Variants in MAPK4 observed in about 807,000 individuals in gnomAD.
The protein encoded by MAPK4 is mitogen-activated protein kinase 4.
Under a neutral mutation model 47.7 loss-of-function variants are expected in MAPK4, and 22 were observed. That is an observed-to-expected ratio of 0.46 (90% CI 0.33 to 0.66). MAPK4 has a LOEUF of 0.66. Among genes scored for constraint, MAPK4 ranks in the 30% least tolerant of loss-of-function variants. The pLI, the probability that MAPK4 is intolerant of heterozygous loss-of-function variation, is 0.02. For missense variants in MAPK4, 736 were observed against 831.7 expected (o/e 0.88, Z 1.42); for synonymous variants, 390 against 365.7 (o/e 1.07, Z -0.76).
In MAPK4 at chr18:50,704,393, C is replaced by T. The variant is rs1383511578; in HGVS notation, c.547-10686C>T. 195 of 395,388 alleles carry T rather than the reference C, an allele frequency of 4.9e-4. 1 individual carries two copies. Among genetic ancestry groups the T allele is most frequent in the African/African-American group, 3.7e-3 (181 of 48,622 alleles). The allele number at this position is 395,388 out of a possible 1,614,324, so 24.5% of individuals were successfully genotyped here. ...GCGTGGTGGTGCATGCCTGTAGTCC[C>T]AACTACTTGGGAGGCAGGAGGATCA... On this transcript the variant is annotated intron_variant, in intron 2 of 5. Coordinates refer to ENST00000400384, the MANE Select transcript of MAPK4 (RefSeq NM_002747.4).
chr18:50,638,459 C>G (rs1173932626), intron 1 of MAPK4, among the ~76,000 whole-genome samples: 1 of 152,194 alleles, frequency 6.6e-6, no homozygotes, highest in Non-Finnish European at 1.5e-5. Flanking sequence ...TTAATACAAA[C>G]AACAACAGGC....
intron 2 of MAPK4, among the ~76,000 whole-genome samples, chr18:50,674,269 G>T (rs536183720): frequency 6.6e-6 from 1 of 152,166 alleles, no homozygotes; most frequent in East Asian, 1.9e-4. Flanking sequence ...GGTTTATATC[G>T]AAGAAGGATA....
At chr18:50,595,671 TG>T (rs1367216213) in intron 1 of MAPK4, among the ~76,000 whole-genome samples, 1 of 152,190 alleles carries the variant, frequency 6.6e-6, no homozygotes, top group Non-Finnish European at 1.5e-5. Context: ...ACTTAAGATC[TG>T]GGAAAATTCT....
chr18:50,615,792 C>T (rs1380830426), intron 1 of MAPK4, among the ~76,000 whole-genome samples: 3 of 152,192 alleles, frequency 2.0e-5, no homozygotes, highest in Admixed American at 2.0e-4. Context: ...TTCAGAACAA[C>T]AGACAGATAG....
At chr18:50,624,922 T>G (rs1347594394) in intron 1 of MAPK4, among the ~76,000 whole-genome samples, 1 of 152,028 alleles carries the variant, frequency 6.6e-6, no homozygotes, top group Non-Finnish European at 1.5e-5. Context: ...GCAGCAAGCT[T>G]AAAGAGTGTT....
intron 1 of MAPK4, among the ~76,000 whole-genome samples, chr18:50,639,333 G>A (rs2042918394): frequency 6.6e-6 from 1 of 152,170 alleles, no homozygotes; most frequent in African/African-American, 2.4e-5. Context: ...TTTTCTCTAT[G>A]TAGTTTGCAT....
At chr18:50,689,636 C>T (rs975695702) in intron 2 of MAPK4, among the ~76,000 whole-genome samples, 15 of 151,386 alleles carry the variant, frequency 9.9e-5, no homozygotes, top group East Asian at 2.0e-4. Context: ...TGGTAGCTCA[C>T]GCCTGTAATC....
chr18:50,637,949 A>C (rs1210831830), intron 1 of MAPK4, among the ~76,000 whole-genome samples: 1 of 152,192 alleles, frequency 6.6e-6, no homozygotes, highest in African/African-American at 2.4e-5. Flanking sequence ...ATACAATCAC[A>C]TTCTGAGTTA....
intron 1 of MAPK4, among the ~76,000 whole-genome samples, chr18:50,645,149 C>G (rs1213091097): frequency 1.3e-5 from 2 of 152,140 alleles, no homozygotes; most frequent in East Asian, 3.9e-4. Flanking sequence ...GGCAAGGGAG[C>G]TTTCTGCTGA....
intron 1 of MAPK4, among the ~76,000 whole-genome samples, chr18:50,598,106 C>A (rs544418225): frequency 3.7e-4 from 56 of 152,346 alleles, no homozygotes; most frequent in Non-Finnish European, 5.9e-4. Flanking sequence ...CCAACCACTA[C>A]CACAACACCC....
At chr18:50,646,231 T>C (rs1381977539) in intron 1 of MAPK4, among the ~76,000 whole-genome samples, 1 of 152,218 alleles carries the variant, frequency 6.6e-6, no homozygotes, top group African/African-American at 2.4e-5. Flanking sequence ...TCACCTCCCC[T>C]TAGAGATTCC....
chr18:50,650,002 C>T (rs2043031558), intron 1 of MAPK4, among the ~76,000 whole-genome samples: 1 of 152,188 alleles, frequency 6.6e-6, no homozygotes, highest in Non-Finnish European at 1.5e-5. Context: ...TCTGGGTTCC[C>T]AGTGAAATAA....
At chr18:50,708,403 TG>T in intron 2 of MAPK4, among the ~76,000 whole-genome samples, 1 of 152,324 alleles carries the variant, frequency 6.6e-6, no homozygotes, top group African/African-American at 2.4e-5. Flanking sequence ...CTGCCTGGCC[TG>T]TAAGTAAAGC....
intron 2 of MAPK4, among the ~76,000 whole-genome samples, chr18:50,672,168 G>T (rs1036054163): frequency 6.6e-6 from 1 of 152,158 alleles, no homozygotes; most frequent in Admixed American, 6.5e-5. Context: ...GAGTGGAGAA[G>T]GATTTTCCCA....
At chr18:50,621,203 A>C (rs1002434737) in intron 1 of MAPK4, among the ~76,000 whole-genome samples, 1 of 152,226 alleles carries the variant, frequency 6.6e-6, no homozygotes, top group African/African-American at 2.4e-5. Context: ...ACTCCAAAAC[A>C]TATGCTCTTC....
intron 1 of MAPK4, among the ~76,000 whole-genome samples, chr18:50,636,656 C>G (rs1245881302): frequency 3.3e-5 from 5 of 152,182 alleles, no homozygotes; most frequent in African/African-American, 1.2e-4. Flanking sequence ...ATATCCATAT[C>G]CATCATTTGC....
At chr18:50,681,882 T>C (rs9947049) in intron 2 of MAPK4, among the ~76,000 whole-genome samples, 4,173 of 152,290 alleles carry the variant, frequency 0.027, 100 homozygotes, top group African/African-American at 0.061. Flanking sequence ...GTTTTGACTA[T>C]TCAGGCCTTA....
At chr18:50,722,191 A>G (rs1910973426) in intron 4 of MAPK4, 92 bp downstream of exon 4, 28 of 1,393,934 alleles carry the variant, frequency 2.0e-5, no homozygotes, top group Non-Finnish European at 2.3e-5. Context: ...TCCTTCCAAA[A>G]GGGCAAAGCA....
At chr18:50,677,511 A>G (rs1377103846) in intron 2 of MAPK4, among the ~76,000 whole-genome samples, 3 of 151,776 alleles carry the variant, frequency 2.0e-5, no homozygotes, top group Non-Finnish European at 4.4e-5. Context: ...GGGACCCTCA[A>G]CTGCCTTCTG....
Sources: gnomAD v4.1 joint callset for allele counts (sites outside exome capture counted in the v4.1 genomes callset) on GRCh38, gnomAD v4.1.1 for gene constraint, MANE v1.5 for transcripts, NCBI Gene and HGNC (gene_info 2026-07-23, HGNC 2026-07-21) for gene names.